The following HSD17B12 variants were observed in gnomAD, a reference collection of about 807,000 sequenced individuals.
The protein encoded by HSD17B12 is hydroxysteroid 17-beta dehydrogenase 12, also known as very-long-chain 3-oxoacyl-CoA reductase.
Under a neutral mutation model 39.3 loss-of-function variants are expected in HSD17B12, and 32 were observed. The observed-to-expected ratio is 0.81, with a 90% CI of 0.61 to 1.09. HSD17B12 has a LOEUF of 1.09. Ranked by LOEUF, HSD17B12 falls within the 50% of genes least tolerant of loss-of-function variation. The pLI is 0.00. For missense variants in HSD17B12, 342 were observed against 382.9 expected (o/e 0.89, Z 0.89); for synonymous variants, 150 against 146.7 (o/e 1.02, Z -0.16).
chr11:43,720,091 A>G (rs928259292), intron 1 of HSD17B12, among the ~76,000 whole-genome samples: 1 of 152,220 alleles, frequency 6.6e-6, no homozygotes, highest in African/African-American at 2.4e-5. Flanking sequence ...TATATTTTCA[A>G]GGTCTCAACA....
intron 3 of HSD17B12, among the ~76,000 whole-genome samples, chr11:43,768,294 GTTA>G (rs1372005601): frequency 2.0e-5 from 3 of 152,158 alleles, no homozygotes; most frequent in South Asian, 2.1e-4. Flanking sequence ...GCCTGTTGGA[GTTA>G]TTATATTATT....
chr11:43,791,014 T>TA (rs562426950), intron 3 of HSD17B12, among the ~76,000 whole-genome samples: 10 of 151,290 alleles, frequency 6.6e-5, no homozygotes, highest in South Asian at 4.2e-4. Context: ...AAAAACAAAA[T>TA]AAAAAAAAAC....
At chr11:43,730,523 A>C (rs192312200) in intron 1 of HSD17B12, among the ~76,000 whole-genome samples, 325 of 152,324 alleles carry the variant, frequency 2.1e-3, no homozygotes, top group Non-Finnish European at 2.6e-3. Flanking sequence ...ATGAGAAAAA[A>C]AAATTAGTTG....
At chr11:43,742,754 G>A (rs541252292) in intron 1 of HSD17B12, among the ~76,000 whole-genome samples, 2 of 150,438 alleles carry the variant, frequency 1.3e-5, no homozygotes, top group South Asian at 4.2e-4. Context: ...GTTTTTTTGT[G>A]TGTGTGTTTT....
the HSD17B12 span, among the ~76,000 whole-genome samples, chr11:43,558,963 GC>G: frequency 2.0e-5 from 3 of 152,230 alleles, no homozygotes; most frequent in East Asian, 5.8e-4. Context: ...GATTAAGCCT[GC>G]TGTTGGTATG....
At chr11:43,607,316 G>A in the HSD17B12 span, among the ~76,000 whole-genome samples, 6 of 143,228 alleles carry the variant, frequency 4.2e-5, no homozygotes, top group African/African-American at 1.5e-4. Flanking sequence ...GTGTGTGTGT[G>A]TACCATGTAG....
chr11:43,728,084 G>C (rs1004481032), intron 1 of HSD17B12, among the ~76,000 whole-genome samples: 11 of 149,324 alleles, frequency 7.4e-5, no homozygotes, highest in African/African-American at 2.7e-4. Flanking sequence ...TTTGTTTTTT[G>C]AGACCGAATC....
At chr11:43,751,522 A>G (rs910922878) in intron 2 of HSD17B12, among the ~76,000 whole-genome samples, 3 of 152,178 alleles carry the variant, frequency 2.0e-5, no homozygotes. Context: ...CTGTGAAGGC[A>G]CCTACAGCCT....
At chr11:43,638,042 C>G in the HSD17B12 span, among the ~76,000 whole-genome samples, 1 of 152,002 alleles carries the variant, frequency 6.6e-6, no homozygotes, top group African/African-American at 2.4e-5. Flanking sequence ...GTTAAATAAA[C>G]CATCAGTGTC....
At chr11:43,697,897 G>A (rs1015132005) in intron 1 of HSD17B12, among the ~76,000 whole-genome samples, 1 of 152,162 alleles carries the variant, frequency 6.6e-6, no homozygotes, top group Non-Finnish European at 1.5e-5. Flanking sequence ...TAAGGACAGT[G>A]GGAAGTCGTT....
chr11:43,692,473 G>A (rs1949871858), intron 1 of HSD17B12, among the ~76,000 whole-genome samples: 1 of 152,102 alleles, frequency 6.6e-6, no homozygotes, highest in Admixed American at 6.6e-5. Flanking sequence ...TTCATCTGTG[G>A]TATCAGGAAA....
At chr11:43,662,199 CTT>C in the HSD17B12 span, among the ~76,000 whole-genome samples, 100 of 124,726 alleles carry the variant, frequency 8.0e-4, no homozygotes, top group South Asian at 1.1e-3. Context: ...GCCCACGTCT[CTT>C]TTTTTTTTTT....
At chr11:43,729,601 C>T (rs1950250605) in intron 1 of HSD17B12, among the ~76,000 whole-genome samples, 1 of 152,126 alleles carries the variant, frequency 6.6e-6, no homozygotes, top group African/African-American at 2.4e-5. Flanking sequence ...TAAGAGGACG[C>T]TTAAATCAGA....
Position 43,798,308 on chromosome 11 carries a change from CTTTTT to C in HSD17B12, c.284-11_284-7del. The C allele has an allele frequency of 6.4e-7, 1 of 1,550,768 alleles. No homozygotes were observed. Among genetic ancestry groups the C allele is most frequent in the Non-Finnish European group, 8.9e-7 (1 of 1,124,096 alleles). ...CCCTGTCTCTCCCCGTTTGTGTTTTCTTTTTCCCTAGAAGAAAAATTCAAAGTGGA... is the reference window on the plus strand; with the variant it reads ...CCCTGTCTCTCCCCGTTTGTGTTTTCCCCTAGAAGAAAAATTCAAAGTGGA... On this transcript the variant is annotated splice_region_variant and splice_polypyrimidine_tract_variant and intron_variant, in intron 3 of 10. Transcript: ENST00000278353.
chr11:43,642,536 C>T, the HSD17B12 span, among the ~76,000 whole-genome samples: 10 of 151,592 alleles, frequency 6.6e-5, no homozygotes, highest in African/African-American at 2.2e-4. Flanking sequence ...TATATGAGAT[C>T]AGTTTCATTT....
At chr11:43,648,932 A>G in the HSD17B12 span, among the ~76,000 whole-genome samples, 63 of 152,272 alleles carry the variant, frequency 4.1e-4, no homozygotes, top group East Asian at 8.9e-3. Context: ...GGGTTTCGCT[A>G]TGTTGGCCAG....
At chr11:43,578,474 G>A in the HSD17B12 span, among the ~76,000 whole-genome samples, 1 of 152,156 alleles carries the variant, frequency 6.6e-6, no homozygotes, top group Non-Finnish European at 1.5e-5. Flanking sequence ...AGTAACAAGG[G>A]CTTTTACCGA....
chr11:43,609,285 A>C, the HSD17B12 span, among the ~76,000 whole-genome samples: 12 of 150,332 alleles, frequency 8.0e-5, no homozygotes, highest in Non-Finnish European at 1.6e-4. Context: ...ATACAGGTAA[A>C]CTATGATGAA....
the HSD17B12 span, among the ~76,000 whole-genome samples, chr11:43,606,235 A>G: frequency 6.6e-6 from 1 of 152,242 alleles, no homozygotes; most frequent in Non-Finnish European, 1.5e-5. Context: ...ATATCGTTAC[A>G]ATCCAAGCAC....
Sources: allele counts gnomAD v4.1 joint callset (sites outside exome capture counted in the v4.1 genomes callset), GRCh38; gene constraint gnomAD v4.1.1; transcripts MANE v1.5; gene names NCBI Gene and HGNC (gene_info 2026-07-23, HGNC 2026-07-21).